Variants in SDK1 observed in about 807,000 individuals in gnomAD.
SDK1 encodes protein sidekick-1.
A neutral mutation model predicts 245.5 loss-of-function variants in SDK1; 157 were observed. That is an observed-to-expected ratio of 0.64 (90% confidence interval 0.56 to 0.73). SDK1 has a LOEUF of 0.73. Among genes scored for constraint, SDK1 ranks in the 30% least tolerant of loss-of-function variants. SDK1 has a pLI of 0.00. For synonymous variants in SDK1, 1,647 were observed against 1,278.5 expected (o/e 1.29, Z -6.15); for missense variants, 3,583 against 3,002.3 (o/e 1.19, Z -4.52).
intron 5 of SDK1, among the ~76,000 whole-genome samples, chr7:3,947,348 C>T (rs1479476220): frequency 1.3e-5 from 2 of 152,178 alleles, no homozygotes; most frequent in Admixed American, 1.3e-4. Context: ...GGCACAATTA[C>T]ATCTGGCATT....
intron 25 of SDK1, among the ~76,000 whole-genome samples, chr7:4,116,353 T>C (rs1427882922): frequency 6.6e-6 from 1 of 152,174 alleles, no homozygotes. Context: ...GTGAGGAGTC[T>C]GCACCCTGGG....
rs182381330 is a variant in SDK1 at position 3,904,970 on chromosome 7, G to A, written c.848-45953G>A. Reference sequence around the variant, plus strand: ...ATCGCGCCACTGCACTCCAGCCTGGGTGACAGAGCGAGACTCCGTCTCAAA... The same window carrying A: ...ATCGCGCCACTGCACTCCAGCCTGGATGACAGAGCGAGACTCCGTCTCAAA... On this transcript the variant is annotated intron_variant, in intron 5 of 44. Transcript: ENST00000404826. 8.4e-3 allele frequency among the ~76,000 whole-genome samples: 1,261 copies of A among 149,306 alleles called. 9 individuals carry two copies. Among genetic ancestry groups the A allele is most frequent in the Middle Eastern group, 0.024 (7 of 290 alleles).
At chr7:3,862,323 C>T (rs1035479631) in intron 5 of SDK1, among the ~76,000 whole-genome samples, 1 of 152,152 alleles carries the variant, frequency 6.6e-6, no homozygotes, top group African/African-American at 2.4e-5. Context: ...CTGTCTGCAG[C>T]CAGGATTGAC....
intron 5 of SDK1, among the ~76,000 whole-genome samples, chr7:3,895,794 C>A (rs1268863371): frequency 6.6e-6 from 1 of 152,166 alleles, no homozygotes; most frequent in Non-Finnish European, 1.5e-5. Context: ...CATTTTCTTT[C>A]ATGACAAAAT....
chr7:3,885,858 A>C (rs1781326355), intron 5 of SDK1, among the ~76,000 whole-genome samples: 2 of 152,218 alleles, frequency 1.3e-5, no homozygotes, highest in African/African-American at 4.8e-5. Context: ...CTCATTTAGC[A>C]CTTTCTGGAG....
intron 4 of SDK1, among the ~76,000 whole-genome samples, chr7:3,711,897 ATC>A (rs1471318843): frequency 6.6e-6 from 1 of 152,118 alleles, no homozygotes; most frequent in East Asian, 1.9e-4. Context: ...CAGGGGAAAC[ATC>A]TCTGTGGCTG....
chr7:3,607,510 C>G (rs1583220687), intron 1 of SDK1, among the ~76,000 whole-genome samples: 1 of 152,246 alleles, frequency 6.6e-6, no homozygotes. Flanking sequence ...ATTTGTGTTC[C>G]CATTTCATAG....
chr7:3,393,466 C>G (rs1199176846), intron 1 of SDK1, among the ~76,000 whole-genome samples: 1 of 152,042 alleles, frequency 6.6e-6, no homozygotes, highest in Non-Finnish European at 1.5e-5. Context: ...TTTTCCTTTC[C>G]TATAGCTATG....
chr7:3,670,938 G>A (rs1052614065), intron 4 of SDK1, among the ~76,000 whole-genome samples: 1 of 152,168 alleles, frequency 6.6e-6, no homozygotes, highest in Non-Finnish European at 1.5e-5. Flanking sequence ...ACAAGGACAG[G>A]TCGTCTATTA....
chr7:4,160,581 C>G (rs576929428), intron 31 of SDK1, among the ~76,000 whole-genome samples: 16 of 152,300 alleles, frequency 1.1e-4, no homozygotes, highest in African/African-American at 3.8e-4. Flanking sequence ...GTTGGGGAAC[C>G]CTCGGCAAGA....
chr7:3,814,992 AT>A (rs1324924122), intron 4 of SDK1, among the ~76,000 whole-genome samples: 1 of 150,680 alleles, frequency 6.6e-6, no homozygotes, highest in African/African-American at 2.4e-5. Flanking sequence ...GAAGTTGCTT[AT>A]CAGCTTAAGG....
intron 4 of SDK1, among the ~76,000 whole-genome samples, chr7:3,795,109 G>A (rs1396333080): frequency 6.6e-6 from 1 of 152,132 alleles, no homozygotes; most frequent in Non-Finnish European, 1.5e-5. Context: ...CTCAGTGAGG[G>A]CAAGTAGCTT....
chr7:3,474,498 A>C (rs987994333), intron 1 of SDK1, among the ~76,000 whole-genome samples: 3 of 151,938 alleles, frequency 2.0e-5, no homozygotes, highest in African/African-American at 7.3e-5. Flanking sequence ...CCTACCCTTG[A>C]CATGTTCATT....
intron 1 of SDK1, among the ~76,000 whole-genome samples, chr7:3,386,149 G>A (rs1289017913): frequency 1.3e-5 from 2 of 152,130 alleles, no homozygotes; most frequent in Admixed American, 6.6e-5. Context: ...AAAAAAATTG[G>A]ATAGCAGAAA....
At chr7:3,977,679 C>T (rs998437227) in intron 13 of SDK1, among the ~76,000 whole-genome samples, 12 of 152,250 alleles carry the variant, frequency 7.9e-5, no homozygotes, top group Admixed American at 1.3e-4. Flanking sequence ...TTCTTCCCTG[C>T]GCGCAGCTGA....
chr7:3,651,750 C>T (rs557014568), intron 4 of SDK1, among the ~76,000 whole-genome samples: 6 of 152,164 alleles, frequency 3.9e-5, no homozygotes, highest in Admixed American at 6.5e-5. Flanking sequence ...ACATCAAAGA[C>T]AAAGAAGAAA....
intron 4 of SDK1, among the ~76,000 whole-genome samples, chr7:3,788,099 C>T (rs965150779): frequency 2.6e-5 from 4 of 152,270 alleles, no homozygotes; most frequent in African/African-American, 7.2e-5. Flanking sequence ...CCTCCCGGCC[C>T]GGGACCTCAC....
intron 22 of SDK1, among the ~76,000 whole-genome samples, chr7:4,108,164 A>G (rs1783070171): frequency 6.6e-6 from 1 of 152,074 alleles, no homozygotes; most frequent in African/African-American, 2.4e-5. Context: ...CAGTCTCAGC[A>G]TTGTGCTCCT....
intron 1 of SDK1, among the ~76,000 whole-genome samples, chr7:3,404,063 CAA>C (rs1429155242): frequency 2.6e-5 from 4 of 151,104 alleles, no homozygotes; most frequent in African/African-American, 9.7e-5. Flanking sequence ...TTATGGCTAA[CAA>C]GAGTACATAC....
Sources: allele counts gnomAD v4.1 joint callset (sites outside exome capture counted in the v4.1 genomes callset), GRCh38; gene constraint gnomAD v4.1.1; transcripts MANE v1.5; gene names NCBI Gene and HGNC (gene_info 2026-07-23, HGNC 2026-07-21).